SF3A1: variants seen among roughly 807,000 people sequenced by gnomAD.
SF3A1 encodes SAP 114.
Under a neutral mutation model 89.9 loss-of-function variants are expected in SF3A1, and 13 were observed. The observed-to-expected ratio is 0.14, with a 90% CI of 0.09 to 0.23. The LOEUF (loss-of-function observed/expected upper bound fraction) is 0.23, where lower values mean the gene tolerates loss of function less well. Ranked by LOEUF, SF3A1 falls within the 10% of genes least tolerant of loss-of-function variation. The pLI, the probability that SF3A1 is intolerant of heterozygous loss-of-function variation, is 1.00. For missense variants in SF3A1, 604 were observed against 1,022.1 expected (o/e 0.59, Z 5.58); for synonymous variants, 405 against 374.4 (o/e 1.08, Z -0.94).
At chr22:30,348,003 G>A (rs752023607) in intron 2 of SF3A1, among the ~76,000 whole-genome samples, 24 of 152,142 alleles carry the variant, frequency 1.6e-4, no homozygotes, top group Non-Finnish European at 3.4e-4. Context: ...CACCATGCTC[G>A]GCTAATTTTT....
chr22:30,356,718 G>T lies in SF3A1; in HGVS notation c.63+12C>A. The T allele has an allele frequency of 6.7e-7, 1 of 1,486,916 alleles. No homozygotes were observed. Among genetic ancestry groups the T allele is most frequent in the East Asian group, 2.8e-5 (1 of 36,046 alleles). 92.1% of individuals were successfully genotyped at this position (1,486,916 alleles called of 1,614,324 possible). ...CCCTCCGGCTGCAGGCTGAGGGGCG[G>T]GGGAGAGGTACCTGTTTGGGCTCCG... On this transcript the variant is annotated intron_variant, in intron 1 of 15. Coordinates refer to ENST00000215793, the MANE Select transcript of SF3A1 (RefSeq NM_005877.6).
At chr22:30,354,710 A>G (rs1371544019) in intron 1 of SF3A1, among the ~76,000 whole-genome samples, 1 of 152,186 alleles carries the variant, frequency 6.6e-6, no homozygotes, top group Non-Finnish European at 1.5e-5. Flanking sequence ...CCAGTCACCC[A>G]TGCCAGAAAG....
intron 12 of SF3A1, 64 bp downstream of exon 12, chr22:30,337,626 C>G: frequency 1.2e-6 from 1 of 813,268 alleles, no homozygotes; most frequent in Non-Finnish European, 2.1e-6. Flanking sequence ...CACTGCTCTG[C>G]TGACAGTACT....
At position 30,340,691 on chromosome 22, in the gene SF3A1, C is replaced by T. The variant is rs1931224138; in HGVS notation, c.1189+4G>A. 6.3e-7 allele frequency: 1 copy of T among 1,580,526 alleles called. No homozygotes were observed. The highest frequency in any genetic ancestry group is 8.7e-7 in the Non-Finnish European group (1 of 1,150,370). ...CCGAGGGTTGGGAAGCAGGCCCTCC[C>T]TACCTTTGGGATCATAATCCTTGCG... On this transcript the variant is annotated splice_donor_region_variant and intron_variant, in intron 8 of 15. Coordinates refer to ENST00000215793, the MANE Select transcript of SF3A1 (RefSeq NM_005877.6).
intron 2 of SF3A1, among the ~76,000 whole-genome samples, chr22:30,348,788 C>T (rs1489487687): frequency 6.6e-6 from 1 of 152,236 alleles, no homozygotes; most frequent in Non-Finnish European, 1.5e-5. Flanking sequence ...AACTAGGCCA[C>T]TATACCCAGC....
intron 2 of SF3A1, among the ~76,000 whole-genome samples, chr22:30,351,312 AAAAG>A (rs888505770): frequency 2.6e-5 from 4 of 152,116 alleles, no homozygotes; most frequent in South Asian, 2.1e-4. Context: ...AAAAAAAAAA[AAAAG>A]AAAGTCTAAC....
At chr22:30,351,519 GTT>G (rs1931594142) in intron 2 of SF3A1, among the ~76,000 whole-genome samples, 2 of 152,066 alleles carry the variant, frequency 1.3e-5, no homozygotes, top group South Asian at 4.1e-4. Flanking sequence ...ATTTTTACTT[GTT>G]TTGTTTTTTT....
At chr22:30,341,353 G>A (rs531897112) in intron 7 of SF3A1, among the ~76,000 whole-genome samples, 1 of 152,300 alleles carries the variant, frequency 6.6e-6, no homozygotes, top group African/African-American at 2.4e-5. Context: ...AAAGCTCTGG[G>A]AGCTTGGAGC....
Position 30,352,933 on chromosome 22 carries a change from C to A in SF3A1, c.185+18G>T. 6.2e-7 allele frequency: 1 copy of A among 1,613,704 alleles called. No homozygotes were observed. The highest frequency in any genetic ancestry group is 8.5e-7 in the Non-Finnish European group (1 of 1,179,742). On this transcript the variant is annotated intron_variant, in intron 2 of 15. Transcript: ENST00000215793. ...CATGCTGAAACCCACCTCTGACCCA[C>A]CCAAGTAGCTCTGTTACCTGGCCAC...
Position 30,337,124 on chromosome 22 carries a change from C to A in SF3A1, c.2008G>T (p.Val670Leu), listed in dbSNP as rs1413974596. The A allele has an allele frequency of 1.2e-6, 2 of 1,613,930 alleles. No homozygotes were observed. The highest frequency in any genetic ancestry group is 2.2e-5 in the East Asian group (1 of 44,880). The change falls in exon 13 of 16, where the codon GTG (valine) becomes TTG (leucine). Residue 670 changes from valine to leucine, a missense_variant. Physicochemically the swap from Val to Leu is conservative, Grantham distance 32 (BLOSUM62 1). Around this residue, in one of 9 missense-constraint regions of SF3A1, gnomAD observed 45 missense variants for 41.1 expected, o/e 1.09. Coordinates refer to ENST00000215793, the MANE Select transcript of SF3A1 (RefSeq NM_005877.6). ...TCTTCCATGGGAGGTGGGGGATGCA[C>A]AGGGGGCATTGGGGCTGGAGCTGGG... Reference protein sequence around the residue: ...PVPAPAPMPPVHPPPPMEDEP... With the variant: ...PVPAPAPMPPLHPPPPMEDEP...
At chr22:30,356,545 A>G (rs997879564) in intron 1 of SF3A1, 185 bp downstream of exon 1, 2 of 437,154 alleles carry the variant, frequency 4.6e-6, no homozygotes, top group Admixed American at 8.8e-5. Context: ...CGGACCACTT[A>G]GAGAATCCCG....
rs1232922031 is a variant in SF3A1 at position 30,333,058 on chromosome 22, G to C, written c.*1536C>G. 6.6e-6 allele frequency: 1 copy of C among 152,162 alleles called. No individual in the cohort carries two copies. Among genetic ancestry groups the C allele is most frequent in the African/African-American group, 2.4e-5 (1 of 41,424 alleles). The allele number at this position is 152,162 out of a possible 1,614,324, so 9.4% of individuals were successfully genotyped here. On this transcript the variant is annotated 3_prime_UTR_variant, in exon 16 of 16. Transcript: ENST00000215793. Reference sequence around the variant, plus strand: ...GCAACCAGTAGTGGGCTCACTTTAGGGACGCAAACCACAAAGCCCACCTCA... The same window carrying C: ...GCAACCAGTAGTGGGCTCACTTTAGCGACGCAAACCACAAAGCCCACCTCA...
chr22:30,344,706 G>C (rs540300631), intron 4 of SF3A1, among the ~76,000 whole-genome samples: 2 of 152,238 alleles, frequency 1.3e-5, no homozygotes, highest in South Asian at 2.1e-4. Flanking sequence ...ATGGTAGTTA[G>C]CAAGCATGTA....
chr22:30,335,910 C>G (rs1372739691), intron 13 of SF3A1, among the ~76,000 whole-genome samples, 157 bp from the exon 14 acceptor site: 1 of 152,188 alleles, frequency 6.6e-6, no homozygotes, highest in Non-Finnish European at 1.5e-5. Context: ...TGAGGTTGTA[C>G]AAGTCACCCC....
chr22:30,333,555 AGGACTGTGACGTGTTTT>A lies in SF3A1; in HGVS notation c.*1022_*1038del, dbSNP rs1930977118. ...AACAGCCTGCCTTTACTCAGAAACC[AGGACTGTGACGTGTTTT>A]GCACACATTCTCTTTTCACTTTCAC... On this transcript the variant is annotated 3_prime_UTR_variant, in exon 16 of 16. Coordinates refer to ENST00000215793, the MANE Select transcript of SF3A1 (RefSeq NM_005877.6). The A allele has an allele frequency of 6.6e-6, 1 of 152,244 alleles. No individual in the cohort carries two copies. The highest frequency in any genetic ancestry group is 1.5e-5 in the Non-Finnish European group (1 of 68,046). 9.4% of individuals were successfully genotyped at this position (152,244 alleles called of 1,614,324 possible).
intron 13 of SF3A1, 71 bp downstream of exon 13, chr22:30,336,955 C>T (rs1569169734): frequency 3.8e-6 from 6 of 1,584,650 alleles, no homozygotes; most frequent in East Asian, 4.5e-5. Flanking sequence ...GGGTCAGTTT[C>T]GCAAGTGTAC....
rs118018567 is a variant in SF3A1, at chr22:30,341,759, T to C, written c.1004A>G (p.Lys335Arg). The change falls in exon 7 of 16, where the codon AAA becomes AGA. Residue 335 changes from lysine to arginine, a missense_variant. Transcript: ENST00000215793. Reference protein sequence around the residue: ...MEVESDEEDDKQEKAEEPPSQ... With the variant: ...MEVESDEEDDRQEKAEEPPSQ... ...AGGAGGCTCCTCCGCCTTCTCCTGT[T>C]TGTCATCCTCCTCATCAGACTCGAC... 2.9e-4 allele frequency: 474 copies of C among 1,614,150 alleles called. 3 individuals carry two copies. The East Asian group carries it at 9.9e-3, about 34-fold the overall frequency.
intron 13 of SF3A1, among the ~76,000 whole-genome samples, chr22:30,336,765 T>TGTAA (rs575869468): frequency 5.5e-4 from 83 of 152,238 alleles, no homozygotes; most frequent in African/African-American, 2.0e-3. Flanking sequence ...TGTTGGCCTC[T>TGTAA]GTAAGTCTAC....
At chr22:30,340,492 T>C in intron 8 of SF3A1, 111 bp from the exon 9 acceptor site, 1 of 1,139,212 alleles carries the variant, frequency 8.8e-7, no homozygotes, top group South Asian at 1.3e-5. Flanking sequence ...AGTGCCACTC[T>C]TGTACCTGGC....
Sources: gnomAD v4.1 joint callset for allele counts (sites outside exome capture counted in the v4.1 genomes callset) on GRCh38, gnomAD v4.1.1 for gene constraint, gnomAD v4.1.1 regional missense constraint, MANE v1.5 for transcripts, NCBI Gene and HGNC (gene_info 2026-07-23, HGNC 2026-07-21) for gene names.